EYA4: variants seen among roughly 807,000 people sequenced by gnomAD.
EYA4 encodes the protein protein phosphatase EYA4.
A neutral mutation model predicts 87.9 loss-of-function variants in EYA4; 31 were observed. That is an observed-to-expected ratio of 0.35 (90% CI 0.27 to 0.48). EYA4 has a LOEUF of 0.48. EYA4 is among the 20% of genes least tolerant of loss of function. EYA4 has a pLI of 0.99. For synonymous variants in EYA4, 263 were observed against 270.6 expected, an observed-to-expected ratio of 0.97 and a Z score of 0.28; for missense variants, 678 against 761.4, an observed-to-expected ratio of 0.89 and a Z score of 1.29.
intron 12 of EYA4, among the ~76,000 whole-genome samples, chr6:133,482,361 T>C (rs187810456): frequency 6.5e-4 from 99 of 152,326 alleles, no homozygotes; most frequent in African/African-American, 2.3e-3. Flanking sequence ...GTGACCGGGC[T>C]GAGTTGCCCA....
intron 3 of EYA4, among the ~76,000 whole-genome samples, chr6:133,428,995 C>T (rs922562925): frequency 7.5e-5 from 9 of 119,278 alleles, no homozygotes; most frequent in African/African-American, 2.5e-4. Flanking sequence ...GGCATGATCT[C>T]GGCTCACTGC....
intron 3 of EYA4, among the ~76,000 whole-genome samples, chr6:133,411,066 C>T (rs1789188150): frequency 6.8e-6 from 1 of 147,856 alleles, no homozygotes. Context: ...GAACTGTTTA[C>T]TTACAAGCAC....
At position 133,481,445 on chromosome 6, in the gene EYA4, A is replaced by G; in HGVS notation, c.971-18A>G. 1.2e-6 allele frequency: 2 copies of G among 1,612,322 alleles called. No homozygotes were observed. The highest frequency in any genetic ancestry group is 1.1e-5 in the South Asian group (1 of 91,044). ...AAAAATGAAGTGCTATTCTTGACCT[A>G]AGTCATGTTATCTATAGGAGAGTTC... On this transcript the variant is annotated intron_variant, in intron 11 of 19. Transcript: ENST00000355286.
chr6:133,401,063 A>G (rs1788219697), intron 3 of EYA4, among the ~76,000 whole-genome samples: 1 of 152,210 alleles, frequency 6.6e-6, no homozygotes, highest in East Asian at 1.9e-4. Flanking sequence ...TTCAGCCATA[A>G]AAAGAATTAA....
intron 19 of EYA4, among the ~76,000 whole-genome samples, chr6:133,527,020 G>A (rs1583573435): frequency 6.6e-6 from 1 of 152,074 alleles, no homozygotes; most frequent in African/African-American, 2.4e-5. Flanking sequence ...GTTTAGATTC[G>A]GTTTACCAGT....
rs1258222499 is a variant in EYA4 at position 133,435,934 on chromosome 6, T to C, written c.84-10696T>C. On this transcript the variant is annotated intron_variant, in intron 3 of 19. Transcript: ENST00000355286. ...ACACTGCACATATAAATATTGAAAC[T>C]TCCAGGCTGGGCGCGGTGGCTCACA... 3.3e-5 allele frequency among the ~76,000 whole-genome samples: 5 copies of C among 152,014 alleles called. No individual in the cohort carries two copies. In the East Asian group the frequency reaches 9.7e-4, roughly 29 times the overall value.
chr6:133,486,609 C>T (rs1334924295), intron 13 of EYA4, among the ~76,000 whole-genome samples: 2 of 151,932 alleles, frequency 1.3e-5, no homozygotes, highest in African/African-American at 4.8e-5. Flanking sequence ...GAAAATAAAA[C>T]TAGGTCGTAT....
At chr6:133,356,022 G>T (rs73559633) in intron 2 of EYA4, among the ~76,000 whole-genome samples, 3,169 of 148,296 alleles carry the variant, frequency 0.021, 114 homozygotes, top group African/African-American at 0.077. Flanking sequence ...TGGGGGTTAG[G>T]GGTGGGGAGA....
chr6:133,386,831 G>A (rs565630146), intron 3 of EYA4, among the ~76,000 whole-genome samples: 1 of 152,298 alleles, frequency 6.6e-6, no homozygotes, highest in South Asian at 2.1e-4. Context: ...CTTGTGGTAT[G>A]TATGAGCTAA....
At chr6:133,505,587 C>A (rs746482835) in intron 13 of EYA4, among the ~76,000 whole-genome samples, 1 of 152,132 alleles carries the variant, frequency 6.6e-6, no homozygotes, top group Non-Finnish European at 1.5e-5. Flanking sequence ...AAGTGATGGT[C>A]GCACCATCCT....
intron 13 of EYA4, among the ~76,000 whole-genome samples, chr6:133,500,345 T>A (rs1466807486): frequency 1.3e-5 from 2 of 151,774 alleles, no homozygotes; most frequent in Admixed American, 1.3e-4. Context: ...CAGCTTGGAG[T>A]CCTCCTTATG....
At position 133,528,903 on chromosome 6, in the gene EYA4, T is replaced by C; in HGVS notation, c.*98T>C. The C allele has an allele frequency of 6.2e-7, 1 of 1,600,640 alleles. No individual in the cohort carries two copies. The highest frequency in any genetic ancestry group is 1.7e-4 in the Middle Eastern group (1 of 5,840). ...CTGGCTCTACACATATAAATTGTCT[T>C]AATGGATGAAATCATATTTGGAATA... On this transcript the variant is annotated 3_prime_UTR_variant, in exon 20 of 20. Transcript: ENST00000355286.
At chr6:133,250,060 C>T (rs568209163) in intron 1 of EYA4, among the ~76,000 whole-genome samples, 8 of 152,332 alleles carry the variant, frequency 5.3e-5, no homozygotes, top group African/African-American at 1.9e-4. Context: ...TGAACATCCC[C>T]TCCTTGAGAC....
intron 17 of EYA4, among the ~76,000 whole-genome samples, chr6:133,522,386 G>A (rs1800264568): frequency 1.3e-5 from 2 of 151,820 alleles, no homozygotes; most frequent in African/African-American, 4.8e-5. Flanking sequence ...ACTCTACATT[G>A]TTTTGTTGGG....
In EYA4 at chr6:133,448,187, AG is replaced by A. The variant is rs1391761486; in HGVS notation, c.277+9del. The A allele has an allele frequency of 6.2e-7, 1 of 1,605,526 alleles. No individual in the cohort carries two copies. Among genetic ancestry groups the A allele is most frequent in the South Asian group, 1.1e-5 (1 of 90,922 alleles). On this transcript the variant is annotated intron_variant, in intron 5 of 19. Transcript: ENST00000355286. ...CCCCCTCTTCTGCAACAAGTATGAG[AG>A]ATGCTGGTACACTGCATGTGTTTGG...
intron 6 of EYA4, 23 bp from the exon 7 acceptor site, chr6:133,461,091 A>G (rs1373644360): frequency 1.3e-6 from 2 of 1,557,378 alleles, no homozygotes; most frequent in East Asian, 2.2e-5. Flanking sequence ...CCTTTGGTGC[A>G]CTGGTATTTT....
intron 13 of EYA4, among the ~76,000 whole-genome samples, chr6:133,493,109 A>G (rs551621488): frequency 2.6e-5 from 4 of 152,204 alleles, no homozygotes; most frequent in Non-Finnish European, 4.4e-5. Context: ...TAAAATTTAT[A>G]TGGAAACACA....
intron 13 of EYA4, 41 bp downstream of exon 13, chr6:133,483,156 A>T: frequency 6.7e-7 from 1 of 1,500,328 alleles, no homozygotes; most frequent in Non-Finnish European, 9.3e-7. Context: ...ATCTTGTTAA[A>T]TTTTTTGTGT....
chr6:133,284,366 G>T (rs967397035), intron 2 of EYA4, among the ~76,000 whole-genome samples: 1 of 152,104 alleles, frequency 6.6e-6, no homozygotes, highest in Admixed American at 6.6e-5. Flanking sequence ...TGGAGATGGG[G>T]TTTTGCAACA....
Sources: gnomAD v4.1 joint callset for allele counts (sites outside exome capture counted in the v4.1 genomes callset) on GRCh38, gnomAD v4.1.1 for gene constraint, MANE v1.5 for transcripts, NCBI Gene and HGNC (gene_info 2026-07-23, HGNC 2026-07-21) for gene names.